Variants in CDKL2 observed in about 807,000 individuals in gnomAD.
The protein encoded by CDKL2 is cyclin-dependent kinase-like 2.
In CDKL2, 64 loss-of-function variants were observed where a neutral mutation model predicts 63.9. That is an observed-to-expected ratio of 1.00 (90% CI 0.82 to 1.23). CDKL2 has a LOEUF of 1.23. CDKL2 is among the 50% of genes most tolerant of loss of function. CDKL2 has a pLI of 0.00. For synonymous variants in CDKL2, 211 were observed against 229.2 expected, an observed-to-expected ratio of 0.92 and a Z score of 0.72; for missense variants, 656 against 668.0, an observed-to-expected ratio of 0.98 and a Z score of 0.20.
intron 13 of CDKL2, among the ~76,000 whole-genome samples, chr4:75,580,666 C>CA (rs1309056455): frequency 6.9e-6 from 1 of 144,450 alleles, no homozygotes; most frequent in East Asian, 2.1e-4. Flanking sequence ...GATCCCATCT[C>CA]AAAAAAAATG....
At chr4:75,624,145 A>G (rs1179687431) in intron 2 of CDKL2, among the ~76,000 whole-genome samples, 1 of 151,956 alleles carries the variant, frequency 6.6e-6, no homozygotes, top group African/African-American at 2.4e-5. Context: ...AAAAAAAAAA[A>G]AAGAATTCAG....
chr4:75,586,227 CTTTTT>C (rs61087984), intron 12 of CDKL2, among the ~76,000 whole-genome samples: 1 of 145,232 alleles, frequency 6.9e-6, no homozygotes, highest in Non-Finnish European at 1.5e-5. Flanking sequence ...ACTAACCTTT[CTTTTT>C]TTTTTTTTTT....
intron 12 of CDKL2, among the ~76,000 whole-genome samples, chr4:75,582,230 C>CATA (rs1485905633): frequency 6.6e-6 from 1 of 152,144 alleles, no homozygotes; most frequent in Non-Finnish European, 1.5e-5. Context: ...TTGGAACCAT[C>CATA]ATATAAAGAC....
chr4:75,592,504 CCTT>C (rs1381528091), intron 10 of CDKL2, among the ~76,000 whole-genome samples: 2 of 152,252 alleles, frequency 1.3e-5, no homozygotes, highest in East Asian at 3.9e-4. Flanking sequence ...ATGAGTTTCT[CCTT>C]CTTCCTTTGC....
intron 4 of CDKL2, 59 bp downstream of exon 4, chr4:75,607,124 T>G (rs1729451971): frequency 3.0e-6 from 4 of 1,347,478 alleles, no homozygotes; most frequent in Admixed American, 2.0e-5. Context: ...CATAAACATA[T>G]TCCACTATAG....
At chr4:75,626,286 G>A (rs988692638) in intron 1 of CDKL2, among the ~76,000 whole-genome samples, 1 of 152,182 alleles carries the variant, frequency 6.6e-6, no homozygotes, top group Non-Finnish European at 1.5e-5. Flanking sequence ...ATTACTAAAT[G>A]TCATGTTAAT....
Position 75,591,846 on chromosome 4 carries a change from C to A in CDKL2, c.1620G>T (p.Leu540=). The change falls in exon 12 of 14, where the codon CTG becomes CTT. Residue 540 remains leucine, a synonymous_variant. Transcript: ENST00000307465. ...SRIPSLAAID[L]HTPSITLHQV... is the part of the protein sequence containing the mutation. ...GATGTAATGTAATACTGGGGGTGTGCAGGTCAATAGCAGCCAGAGAAGGAA... is the reference window on the plus strand; with the variant it reads ...GATGTAATGTAATACTGGGGGTGTGAAGGTCAATAGCAGCCAGAGAAGGAA... 2.0e-6 allele frequency: 3 copies of A among 1,535,484 alleles called. No individual in the cohort carries two copies. Among genetic ancestry groups the A allele is most frequent in the Non-Finnish European group, 2.6e-6 (3 of 1,146,476 alleles).
intron 13 of CDKL2, among the ~76,000 whole-genome samples, chr4:75,580,694 C>CA: frequency 7.7e-6 from 1 of 129,692 alleles, no homozygotes; most frequent in East Asian, 2.5e-4. Context: ...TTTGTTTTGG[C>CA]TTTTTTTTTT....
intron 12 of CDKL2, among the ~76,000 whole-genome samples, chr4:75,587,525 T>C (rs1039042128): frequency 2.6e-4 from 39 of 151,982 alleles, no homozygotes; most frequent in African/African-American, 8.5e-4. Flanking sequence ...ATTTTAAAAA[T>C]TGTATGACAC....
chr4:75,612,266 C>A (rs532186953), intron 3 of CDKL2, among the ~76,000 whole-genome samples: 14 of 152,314 alleles, frequency 9.2e-5, no homozygotes, highest in African/African-American at 3.4e-4. Context: ...AGCCACCACA[C>A]CAGGCCTAAA....
intron 13 of CDKL2, among the ~76,000 whole-genome samples, chr4:75,579,873 C>T (rs114263116): frequency 3.3e-5 from 5 of 152,292 alleles, no homozygotes; most frequent in Non-Finnish European, 7.4e-5. Flanking sequence ...AGGACCTGTG[C>T]AAATGAAAGA....
intron 12 of CDKL2, among the ~76,000 whole-genome samples, chr4:75,590,386 C>T (rs1461024791): frequency 6.6e-6 from 1 of 152,230 alleles, no homozygotes; most frequent in African/African-American, 2.4e-5. Flanking sequence ...CACAGTAACA[C>T]TACTCCTTTG....
intron 2 of CDKL2, among the ~76,000 whole-genome samples, chr4:75,618,239 C>CTTT (rs56002333): frequency 0.011 from 592 of 52,964 alleles, 202 homozygotes; most frequent in African/African-American, 0.022. Flanking sequence ...ATTGAAAATT[C>CTTT]TTTTTTTTTT....
At chr4:75,603,791 A>G in intron 6 of CDKL2, 26 bp downstream of exon 6, 1 of 1,556,532 alleles carries the variant, frequency 6.4e-7, no homozygotes, top group South Asian at 1.2e-5. Context: ...TCCCTGTCAT[A>G]AAGTGTAAAC....
chr4:75,627,242 A>G (rs977540066), intron 1 of CDKL2, among the ~76,000 whole-genome samples: 4 of 150,390 alleles, frequency 2.7e-5, no homozygotes, highest in African/African-American at 4.9e-5. Context: ...TCAAAGATGT[A>G]TAACTGAATT....
At chr4:75,615,884 G>A (rs1205587881) in intron 2 of CDKL2, among the ~76,000 whole-genome samples, 1 of 152,096 alleles carries the variant, frequency 6.6e-6, no homozygotes, top group East Asian at 1.9e-4. Context: ...CCAGCTACTT[G>A]GGAGGTTAAT....
Position 75,591,929 on chromosome 4 carries a change from G to A in CDKL2, c.1541-4C>T. On this transcript the variant is annotated splice_polypyrimidine_tract_variant and splice_region_variant and intron_variant, in intron 11 of 13. Coordinates refer to ENST00000307465, the MANE Select transcript of CDKL2 (RefSeq NM_001330724.2). Reference sequence around the variant, plus strand: ...TTTGTTAGCCTGGAATTTCGAGCTAGATAGAAATGACCATAAACACAGTGA... The same window carrying A: ...TTTGTTAGCCTGGAATTTCGAGCTAAATAGAAATGACCATAAACACAGTGA... The A allele has an allele frequency of 6.5e-7, 1 of 1,530,806 alleles. No individual in the cohort carries two copies. Among genetic ancestry groups the A allele is most frequent in the South Asian group, 1.2e-5 (1 of 83,932 alleles). 94.8% of individuals were successfully genotyped at this position (1,530,806 alleles called of 1,614,324 possible).
At chr4:75,604,069 G>A (rs1729319860) in intron 5 of CDKL2, 113 bp from the exon 6 acceptor site, 3 of 1,018,182 alleles carry the variant, frequency 2.9e-6, no homozygotes, top group Admixed American at 5.3e-5. Flanking sequence ...GGAGTTTGGG[G>A]CTCTCTCAAC....
chr4:75,623,603 G>GA (rs1465825252), intron 2 of CDKL2, among the ~76,000 whole-genome samples: 2 of 151,636 alleles, frequency 1.3e-5, no homozygotes, highest in Non-Finnish European at 2.9e-5. Flanking sequence ...CAAGTTATTA[G>GA]AAAAAAAGGA....
Sources: allele counts gnomAD v4.1 joint callset (sites outside exome capture counted in the v4.1 genomes callset), GRCh38; gene constraint gnomAD v4.1.1; transcripts MANE v1.5; gene names NCBI Gene and HGNC (gene_info 2026-07-23, HGNC 2026-07-21).